BCKDHB: variants seen among roughly 807,000 people sequenced by gnomAD.
BCKDHB encodes the protein branched chain keto acid dehydrogenase E1 subunit beta.
BCKDHB carries 41 observed loss-of-function variants against 48.5 expected under a neutral mutation model. The observed-to-expected ratio is 0.85, with a 90% CI of 0.66 to 1.10. The LOEUF is 1.10. BCKDHB is among the 50% of genes least tolerant of loss of function. The pLI is 0.00. For synonymous variants in BCKDHB, 201 were observed against 174.8 expected (o/e 1.15, Z -1.18); for missense variants, 496 against 494.2 (o/e 1.00, Z -0.03).
At chr6:80,445,227 G>A in the BCKDHB span, among the ~76,000 whole-genome samples, 30 of 152,252 alleles carry the variant, frequency 2.0e-4, no homozygotes, top group Admixed American at 6.5e-5. Context: ...AGTAGGACAA[G>A]GAACTCTTGT....
chr6:80,228,519 C>T (rs976170238), intron 8 of BCKDHB, among the ~76,000 whole-genome samples: 3 of 152,214 alleles, frequency 2.0e-5, no homozygotes, highest in African/African-American at 7.2e-5. Context: ...CCTTTATTTT[C>T]TGAGCTTCCT....
chr6:80,154,234 G>A (rs1771929501), intron 3 of BCKDHB, among the ~76,000 whole-genome samples: 1 of 152,122 alleles, frequency 6.6e-6, no homozygotes, highest in Non-Finnish European at 1.5e-5. Flanking sequence ...GACAGATGGT[G>A]TTTTATTTAT....
At chr6:80,432,918 C>T in the BCKDHB span, among the ~76,000 whole-genome samples, 13 of 152,198 alleles carry the variant, frequency 8.5e-5, no homozygotes, top group Admixed American at 8.5e-4. Flanking sequence ...CAGTTAGCCC[C>T]TCTGCTGTAG....
chr6:80,316,374 C>CCT (rs1768444516), intron 9 of BCKDHB, among the ~76,000 whole-genome samples: 1 of 150,864 alleles, frequency 6.6e-6, no homozygotes, highest in South Asian at 2.1e-4. Flanking sequence ...ACTCAAACTG[C>CCT]TTTTTTTTTA....
At chr6:80,401,647 A>C in the BCKDHB span, among the ~76,000 whole-genome samples, 1 of 151,932 alleles carries the variant, frequency 6.6e-6, no homozygotes, top group East Asian at 1.9e-4. Flanking sequence ...TGGTATTCTT[A>C]GCTATAGGCA....
chr6:80,415,298 T>C, the BCKDHB span, among the ~76,000 whole-genome samples: 1 of 152,148 alleles, frequency 6.6e-6, no homozygotes, highest in South Asian at 2.1e-4. Flanking sequence ...TCCAATACTA[T>C]GTTGAATAGG....
chr6:80,411,541 C>T, the BCKDHB span, among the ~76,000 whole-genome samples: 3 of 152,342 alleles, frequency 2.0e-5, no homozygotes, highest in Admixed American at 1.3e-4. Context: ...AGTCTGCTGG[C>T]TTTTGCTCAG....
chr6:80,108,728 C>T (rs561878440), intron 1 of BCKDHB, among the ~76,000 whole-genome samples: 1 of 151,880 alleles, frequency 6.6e-6, no homozygotes, highest in Non-Finnish European at 1.5e-5. Context: ...GGCGTGGCAG[C>T]GCATGCCTGT....
At chr6:80,319,335 T>C (rs1343918305) in intron 9 of BCKDHB, among the ~76,000 whole-genome samples, 1 of 152,236 alleles carries the variant, frequency 6.6e-6, no homozygotes, top group Non-Finnish European at 1.5e-5. Context: ...AGTACCCAAC[T>C]TGCTGAATTG....
chr6:80,190,881 T>G (rs538327766), intron 6 of BCKDHB, among the ~76,000 whole-genome samples: 1 of 152,256 alleles, frequency 6.6e-6, no homozygotes, highest in South Asian at 2.1e-4. Context: ...TGAGGCACCT[T>G]TGGTAGTGGC....
chr6:80,464,722 C>G, the BCKDHB span, among the ~76,000 whole-genome samples: 1 of 152,198 alleles, frequency 6.6e-6, no homozygotes, highest in Non-Finnish European at 1.5e-5. Context: ...ATTCATTATA[C>G]TGCTCTTCCA....
At chr6:80,205,046 A>C (rs1188159890) in intron 8 of BCKDHB, among the ~76,000 whole-genome samples, 1 of 152,048 alleles carries the variant, frequency 6.6e-6, no homozygotes, top group African/African-American at 2.4e-5. Context: ...GTGACAGTGA[A>C]AGCCAGCTTC....
the BCKDHB span, among the ~76,000 whole-genome samples, chr6:80,450,850 C>T: frequency 1.3e-5 from 2 of 152,134 alleles, no homozygotes; most frequent in Non-Finnish European, 2.9e-5. Context: ...AATACAATGA[C>T]TTCCATTTTC....
chr6:80,268,962 A>T (rs564986427), intron 8 of BCKDHB, among the ~76,000 whole-genome samples: 2 of 152,268 alleles, frequency 1.3e-5, no homozygotes, highest in South Asian at 4.1e-4. Flanking sequence ...TCAAGTATAT[A>T]CTTCTGAACT....
chr6:80,170,371 ATTTGT>A (rs1772847611), intron 5 of BCKDHB, among the ~76,000 whole-genome samples: 2 of 152,142 alleles, frequency 1.3e-5, no homozygotes, highest in Middle Eastern at 3.2e-3. Context: ...CCTATATAAT[ATTTGT>A]CTTTAAACAA....
intron 1 of BCKDHB, among the ~76,000 whole-genome samples, chr6:80,124,180 A>T (rs898825430): frequency 1.3e-5 from 2 of 152,152 alleles, no homozygotes; most frequent in Non-Finnish European, 2.9e-5. Flanking sequence ...CAGGTTGTTC[A>T]GTTTCCATGT....
chr6:80,287,479 T>TTA (rs1766681745), intron 9 of BCKDHB, among the ~76,000 whole-genome samples: 2 of 151,580 alleles, frequency 1.3e-5, no homozygotes, highest in Non-Finnish European at 2.9e-5. Flanking sequence ...TTTTTTTTTT[T>TTA]AATGTAATGT....
chr6:80,216,328 A>C (rs997259396), intron 8 of BCKDHB, among the ~76,000 whole-genome samples: 3 of 152,170 alleles, frequency 2.0e-5, no homozygotes, highest in Non-Finnish European at 4.4e-5. Context: ...ATTTTATCAT[A>C]TGTCAGGAAT....
intron 6 of BCKDHB, among the ~76,000 whole-genome samples, chr6:80,198,371 A>G (rs1774229195): frequency 6.6e-6 from 1 of 152,194 alleles, no homozygotes. Flanking sequence ...ACACTGCTTT[A>G]TGTTCCAGGT....
Sources: gnomAD v4.1 joint callset for allele counts (sites outside exome capture counted in the v4.1 genomes callset) on GRCh38, gnomAD v4.1.1 for gene constraint, MANE v1.5 for transcripts, NCBI Gene and HGNC (gene_info 2026-07-23, HGNC 2026-07-21) for gene names.